MAST4: variants seen among roughly 807,000 people sequenced by gnomAD.
MAST4 encodes microtubule-associated serine/threonine-protein kinase 4.
A neutral mutation model predicts 162.7 loss-of-function variants in MAST4; 89 were observed. That is an observed-to-expected ratio of 0.55 (90% CI 0.46 to 0.65). MAST4 has a LOEUF of 0.65. Ranked by LOEUF, MAST4 falls within the 30% of genes least tolerant of loss-of-function variation. MAST4 has a pLI of 0.00. For missense variants in MAST4, 3,153 were observed against 3,374.0 expected, an observed-to-expected ratio of 0.93 and a Z score of 1.62; for synonymous variants, 1,479 against 1,361.1, an observed-to-expected ratio of 1.09 and a Z score of -1.91.
chr5:67,156,993 T>C (rs192319210), intron 26 of MAST4, among the ~76,000 whole-genome samples: 14 of 152,382 alleles, frequency 9.2e-5, no homozygotes, highest in African/African-American at 3.4e-4. Context: ...AGTGAATTAA[T>C]TGAACATTTA....
intron 4 of MAST4, among the ~76,000 whole-genome samples, chr5:66,958,568 G>A (rs980125664): frequency 2.6e-5 from 4 of 152,252 alleles, no homozygotes; most frequent in South Asian, 4.2e-4. Flanking sequence ...TCCTATCATC[G>A]GGTTTGCCTG....
intron 10 of MAST4, 64 bp from the exon 11 acceptor site, chr5:67,110,034 T>C: frequency 8.5e-7 from 1 of 1,170,558 alleles, no homozygotes; most frequent in Non-Finnish European, 1.3e-6. Flanking sequence ...CATGCTTTGC[T>C]GATTTTCTTT....
rs182730143 is a variant in MAST4 at position 66,796,316 on chromosome 5, A to G, written c.642+7522A>G. ...TCTAAGAACGAGTGAAGAACTACAT[A>G]TTTGAGGGAGAAGTTTATTTTTCCT... On this transcript the variant is annotated intron_variant, in intron 3 of 28. Transcript: ENST00000403625. 7.9e-5 allele frequency among the ~76,000 whole-genome samples: 12 copies of G among 152,362 alleles called. No homozygotes were observed. The East Asian group carries it at 2.1e-3, about 27-fold the overall frequency.
chr5:66,600,354 T>C (rs1173473008), intron 1 of MAST4, among the ~76,000 whole-genome samples: 1 of 152,224 alleles, frequency 6.6e-6, no homozygotes, highest in African/African-American at 2.4e-5. Context: ...ACTGTCTAGA[T>C]TGAAGGACTG....
At chr5:66,954,513 A>AACAACAC (rs200029128) in intron 4 of MAST4, among the ~76,000 whole-genome samples, 1,838 of 152,226 alleles carry the variant, frequency 0.012, 18 homozygotes, top group Non-Finnish European at 0.018. Context: ...AACAGCTATA[A>AACAACAC]ACAACACACA....
chr5:66,646,182 G>T (rs906862736), intron 1 of MAST4, among the ~76,000 whole-genome samples: 2 of 151,990 alleles, frequency 1.3e-5, no homozygotes, highest in African/African-American at 2.4e-5. Flanking sequence ...AACACTTTTT[G>T]CCATTCAATC....
chr5:67,017,747 C>T (rs574165418), intron 4 of MAST4, among the ~76,000 whole-genome samples: 124 of 151,352 alleles, frequency 8.2e-4, no homozygotes, highest in Non-Finnish European at 1.5e-3. Context: ...TACAGGTGTG[C>T]GCCACTATGC....
rs1384196349 is a variant in MAST4, at chr5:67,135,259, T to G, written c.2392+571T>G. On this transcript the variant is annotated intron_variant, in intron 18 of 28. Transcript: ENST00000403625. ...TCTGTAACAGCTGTTCATCTTTCAT[T>G]TAAAATTCAATAACTTTTAGATCTT... 1.3e-5 allele frequency among the ~76,000 whole-genome samples: 2 copies of G among 152,224 alleles called. 1 individual carries two copies. The highest frequency in any genetic ancestry group is 3.8e-4 in the East Asian group (2 of 5,200).
chr5:67,089,400 A>G (rs1162709593), intron 5 of MAST4, among the ~76,000 whole-genome samples: 3 of 152,144 alleles, frequency 2.0e-5, no homozygotes, highest in Admixed American at 6.5e-5. Context: ...CCAACGAGCA[A>G]TCACTGCCCC....
chr5:66,881,634 A>T (rs1030999608), intron 3 of MAST4, among the ~76,000 whole-genome samples: 1 of 152,226 alleles, frequency 6.6e-6, no homozygotes, highest in African/African-American at 2.4e-5. Flanking sequence ...CTTGCCAAAG[A>T]CTTGTGTAAC....
intron 1 of MAST4, among the ~76,000 whole-genome samples, chr5:66,739,049 AG>A (rs1169448701): frequency 6.6e-6 from 1 of 151,996 alleles, no homozygotes; most frequent in Non-Finnish European, 1.5e-5. Flanking sequence ...CGTGATGAAG[AG>A]TGCTTTATTA....
chr5:66,916,346 T>G (rs1358116323), intron 4 of MAST4, among the ~76,000 whole-genome samples: 3 of 152,176 alleles, frequency 2.0e-5, no homozygotes, highest in African/African-American at 7.2e-5. Context: ...GAATGGATAT[T>G]AAGCAAGTAG....
In MAST4 at chr5:67,153,477, C is replaced by T. The variant is rs56383960; in HGVS notation, c.3545C>T (p.Pro1182Leu). The T allele has an allele frequency of 2.8e-3, 4,467 of 1,603,864 alleles. 14 individuals carry two copies. The highest frequency in any genetic ancestry group is 5.6e-3 in the African/African-American group (418 of 74,898). Residue 1182 changes from proline (P) to leucine (L), a missense_variant, in exon 26 of 29, where the codon CCG becomes CTG. Physicochemically the swap from Pro to Leu is moderately conservative, Grantham distance 98. This residue lies in a region of MAST4 where 619 missense variants were observed against 744.2 expected (regional missense o/e 0.83). Coordinates refer to ENST00000403625, the MANE Select transcript of MAST4 (RefSeq NM_001164664.2). ...CTTTAGAATGTAGAAGAAGGAAGTC[C>T]GGCATGCCAGGCAGGACTGAAGGCT... ...HIVWNVEEGS[P>L]ACQAGLKAGD...
intron 3 of MAST4, among the ~76,000 whole-genome samples, chr5:66,876,460 A>G (rs1415536505): frequency 6.6e-6 from 1 of 152,184 alleles, no homozygotes; most frequent in Non-Finnish European, 1.5e-5. Flanking sequence ...TGCTCTTGTC[A>G]TGGCCCTCTG....
chr5:66,693,167 C>T (rs1329141961), intron 1 of MAST4, among the ~76,000 whole-genome samples: 3 of 151,934 alleles, frequency 2.0e-5, no homozygotes, highest in African/African-American at 7.3e-5. Flanking sequence ...AGCCAATCCC[C>T]CGGGAACTAA....
intron 5 of MAST4, among the ~76,000 whole-genome samples, chr5:67,059,250 C>T (rs918883406): frequency 1.3e-5 from 2 of 152,198 alleles, no homozygotes; most frequent in African/African-American, 4.8e-5. Flanking sequence ...CACTTCAAAT[C>T]TGACTGCTGC....
chr5:66,759,963 C>A, intron 2 of MAST4, 101 bp downstream of exon 2: 3 of 1,263,788 alleles, frequency 2.4e-6, no homozygotes, highest in South Asian at 3.6e-5. Flanking sequence ...TAAGAATGGG[C>A]CTGCCTCTGC....
chr5:66,849,180 A>T (rs1759116473), intron 3 of MAST4, among the ~76,000 whole-genome samples: 1 of 151,952 alleles, frequency 6.6e-6, no homozygotes, highest in African/African-American at 2.4e-5. Context: ...CTAGAGGCTG[A>T]CCCTGTGGCA....
At chr5:67,093,598 G>T (rs781779728) in intron 6 of MAST4, 2 of 460,272 alleles carry the variant, frequency 4.3e-6, no homozygotes, top group Non-Finnish European at 8.8e-6. Flanking sequence ...GCACATTCTC[G>T]TTTAAACATC....
Sources: allele counts gnomAD v4.1 joint callset (sites outside exome capture counted in the v4.1 genomes callset), GRCh38; gene constraint gnomAD v4.1.1; regional missense constraint gnomAD v4.1.1; transcripts MANE v1.5; gene names NCBI Gene and HGNC (gene_info 2026-07-23, HGNC 2026-07-21).